The following CLIC5 variants were observed in gnomAD, a reference collection of about 807,000 sequenced individuals.
CLIC5 encodes CLIC family member 5, also known as chloride intracellular channel protein 5.
CLIC5 carries 20 observed loss-of-function variants against 24.7 expected under a neutral mutation model. The ratio of observed to expected loss-of-function variants is 0.81; its 90% CI spans 0.57 to 1.18. The LOEUF is 1.18. CLIC5 is among the 50% of genes most tolerant of loss of function. The pLI, the probability that CLIC5 is intolerant of heterozygous loss-of-function variation, is 0.00. For synonymous variants in CLIC5, 159 were observed against 135.6 expected, an observed-to-expected ratio of 1.17 and a Z score of -1.20; for missense variants, 341 against 326.1, an observed-to-expected ratio of 1.05 and a Z score of -0.35.
intron 1 of CLIC5, among the ~76,000 whole-genome samples, chr6:46,024,795 G>A (rs1767284195): frequency 6.6e-6 from 1 of 152,136 alleles, no homozygotes; most frequent in Admixed American, 6.5e-5. Context: ...GCTATTAGAA[G>A]GTGGACATGA....
At chr6:45,941,433 G>T in intron 4 of CLIC5, 114 bp downstream of exon 4, 1 of 816,648 alleles carries the variant, frequency 1.2e-6, no homozygotes, top group Non-Finnish European at 2.1e-6. Flanking sequence ...AAGCAGTATT[G>T]GTTCCAGATG....
chr6:45,928,954 C>T (rs896653523), intron 4 of CLIC5, among the ~76,000 whole-genome samples: 4 of 152,180 alleles, frequency 2.6e-5, no homozygotes, highest in Admixed American at 6.5e-5. Flanking sequence ...TTCCCCAGGT[C>T]TTGATCTGCA....
the CLIC5 span, among the ~76,000 whole-genome samples, chr6:46,120,119 T>G: frequency 1.3e-5 from 2 of 152,310 alleles, no homozygotes; most frequent in East Asian, 3.9e-4. Flanking sequence ...GATCTGAGAA[T>G]GGACAGACTG....
At chr6:45,992,879 ACCC>A (rs1333811622) in intron 1 of CLIC5, among the ~76,000 whole-genome samples, 1 of 151,958 alleles carries the variant, frequency 6.6e-6, no homozygotes, top group Non-Finnish European at 1.5e-5. Context: ...GGTGATAATT[ACCC>A]CCCTGCCTTG....
chr6:46,029,651 C>A (rs1196531540), intron 1 of CLIC5, among the ~76,000 whole-genome samples: 3 of 152,132 alleles, frequency 2.0e-5, no homozygotes, highest in Admixed American at 2.0e-4. Flanking sequence ...CTCTTCCCAA[C>A]CTTGTTTCTT....
intron 1 of CLIC5, among the ~76,000 whole-genome samples, chr6:46,051,698 T>G (rs561979178): frequency 1.3e-5 from 2 of 152,366 alleles, no homozygotes; most frequent in Non-Finnish European, 2.9e-5. Context: ...AATAATTCCT[T>G]GTATTTGTTT....
intron 1 of CLIC5, among the ~76,000 whole-genome samples, chr6:45,999,449 A>C (rs1017838447): frequency 6.6e-6 from 1 of 152,206 alleles, no homozygotes. Flanking sequence ...GTATGTATAC[A>C]TATTATATAT....
chr6:45,950,549 G>A (rs567332249), intron 2 of CLIC5, among the ~76,000 whole-genome samples: 1 of 152,128 alleles, frequency 6.6e-6, no homozygotes, highest in African/African-American at 2.4e-5. Flanking sequence ...CCAGTCTGGG[G>A]GACAGAGTGA....
chr6:46,028,088 C>T (rs958758914), intron 1 of CLIC5, among the ~76,000 whole-genome samples: 1 of 152,204 alleles, frequency 6.6e-6, no homozygotes, highest in Admixed American at 6.5e-5. Flanking sequence ...AGACTTAATG[C>T]CCTTCATGAA....
intron 1 of CLIC5, among the ~76,000 whole-genome samples, chr6:46,073,337 G>T (rs554251208): frequency 6.6e-6 from 1 of 152,174 alleles, no homozygotes; most frequent in South Asian, 2.1e-4. Flanking sequence ...AAAATATAAA[G>T]TAGCTGGATA....
intron 1 of CLIC5, among the ~76,000 whole-genome samples, chr6:46,006,419 C>G (rs1468669164): frequency 6.6e-6 from 1 of 151,722 alleles, no homozygotes; most frequent in Admixed American, 6.6e-5. Flanking sequence ...GCTGGGATTA[C>G]AGATGTGAGC....
chr6:45,893,927 A>G (rs962471210), downstream of CLIC5, among the ~76,000 whole-genome samples: 2 of 152,164 alleles, frequency 1.3e-5, no homozygotes, highest in Non-Finnish European at 2.9e-5. Context: ...TTTGCCATCT[A>G]CTTCAAAATA....
intron 3 of CLIC5, 123 bp from the exon 4 acceptor site, chr6:45,941,776 G>T (rs1472034197): frequency 3.8e-6 from 3 of 781,978 alleles, no homozygotes; most frequent in Non-Finnish European, 6.6e-6. Flanking sequence ...TGTTTTGGGG[G>T]TCTTTATCCT....
At chr6:45,928,817 C>T (rs374843222) in intron 4 of CLIC5, among the ~76,000 whole-genome samples, 5 of 146,004 alleles carry the variant, frequency 3.4e-5, no homozygotes, top group African/African-American at 1.4e-4. Flanking sequence ...GATTGAGAAA[C>T]GTATTTGGTT....
chr6:46,000,368 C>A (rs145456637), intron 1 of CLIC5, among the ~76,000 whole-genome samples: 1 of 152,172 alleles, frequency 6.6e-6, no homozygotes, highest in East Asian at 1.9e-4. Context: ...GAAGGAGACA[C>A]CCACCGTGAG....
the CLIC5 span, among the ~76,000 whole-genome samples, chr6:46,119,394 C>T: frequency 1.4e-4 from 22 of 152,310 alleles, no homozygotes; most frequent in East Asian, 4.1e-3. Flanking sequence ...TCTTCTTAGC[C>T]CTTATTTAGA....
At chr6:45,989,709 G>T (rs937624063) in intron 1 of CLIC5, among the ~76,000 whole-genome samples, 1 of 152,184 alleles carries the variant, frequency 6.6e-6, no homozygotes, top group Non-Finnish European at 1.5e-5. Context: ...GGCAAGGTAG[G>T]CATCCCATTA....
At chr6:45,962,829 C>T (rs1764896006) in intron 1 of CLIC5, among the ~76,000 whole-genome samples, 1 of 152,162 alleles carries the variant, frequency 6.6e-6, no homozygotes, top group South Asian at 2.1e-4. Context: ...GGCTTTGGGC[C>T]CAAGGCTGCC....
At chr6:46,070,173 G>A (rs1364375225) in intron 1 of CLIC5, among the ~76,000 whole-genome samples, 1 of 151,958 alleles carries the variant, frequency 6.6e-6, no homozygotes, top group Non-Finnish European at 1.5e-5. Context: ...AAGACAAGAA[G>A]GCCCTCTCTC....
Sources: allele counts gnomAD v4.1 joint callset (sites outside exome capture counted in the v4.1 genomes callset), GRCh38; gene constraint gnomAD v4.1.1; transcripts MANE v1.5; gene names NCBI Gene and HGNC (gene_info 2026-07-23, HGNC 2026-07-21).